ATF7: variants seen among roughly 807,000 people sequenced by gnomAD.
ATF7 encodes the protein cyclic AMP-dependent transcription factor ATF-7.
Under a neutral mutation model 50.4 loss-of-function variants are expected in ATF7, and 10 were observed. The ratio of observed to expected loss-of-function variants is 0.20; its 90% CI spans 0.12 to 0.34. The LOEUF is 0.34. Ranked by LOEUF, ATF7 falls within the 10% of genes least tolerant of loss-of-function variation. The probability of loss-of-function intolerance (pLI) is 1.00; values close to 1 mark genes in which losing one functional copy is unlikely to be tolerated. For synonymous variants in ATF7, 201 were observed against 226.4 expected, an observed-to-expected ratio of 0.89 and a Z score of 1.01; for missense variants, 465 against 613.9, an observed-to-expected ratio of 0.76 and a Z score of 2.56.
Position 53,587,366 on chromosome 12 carries a change from C to CAAAAAAAAAAAAAAAAAAAAAA in ATF7, c.48+13586_48+13587insTTTTTTTTTTTTTTTTTTTTTT, listed in dbSNP as rs55904354. Among the ~76,000 whole-genome samples the CAAAAAAAAAAAAAAAAAAAAAA allele has an allele frequency of 2.9e-4, 18 of 62,292 alleles. 1 individual carries two copies. The highest frequency in any genetic ancestry group is 4.1e-3 in the East Asian group (2 of 486). 40.9% of individuals were successfully genotyped at this position (62,292 alleles called of 152,430 possible). On this transcript the variant is annotated intron_variant, in intron 2 of 11. Transcript: ENST00000420353. ...TGGGTGACAGAGCGAAATTCCGCAT[C>CAAAAAAAAAAAAAAAAAAAAAA]AAAAAAAAAAAAAAAAAGAAGGAAA...
intron 2 of ATF7, among the ~76,000 whole-genome samples, chr12:53,559,175 T>G (rs905970802): frequency 6.6e-6 from 1 of 151,712 alleles, no homozygotes. Flanking sequence ...AAACTGTAAA[T>G]AAGGAATAAA....
At chr12:53,531,572 TA>T (rs1299180464) in intron 9 of ATF7, among the ~76,000 whole-genome samples, 171 bp downstream of exon 9, 2 of 152,012 alleles carry the variant, frequency 1.3e-5, no homozygotes, top group African/African-American at 4.8e-5. Context: ...GAATAAATAA[TA>T]AAAAGAATGG....
intron 9 of ATF7, among the ~76,000 whole-genome samples, chr12:53,525,298 A>C (rs867851251): frequency 3.0e-4 from 46 of 152,336 alleles, no homozygotes; most frequent in African/African-American, 1.0e-3. Context: ...GGTTGCAGTG[A>C]GCTGAGATCA....
chr12:53,607,334 T>A (rs1943658626), intron 1 of ATF7, among the ~76,000 whole-genome samples: 1 of 152,228 alleles, frequency 6.6e-6, no homozygotes, highest in African/African-American at 2.4e-5. Flanking sequence ...ATAGTACTTT[T>A]GGGAGTACAT....
At chr12:53,610,269 G>A (rs1255219651) in intron 1 of ATF7, among the ~76,000 whole-genome samples, 1 of 151,584 alleles carries the variant, frequency 6.6e-6, no homozygotes, top group Non-Finnish European at 1.5e-5. Flanking sequence ...CATTCCAAAC[G>A]AGATACAAAA....
At chr12:53,508,717 T>C (rs75657383), downstream of ATF7, among the ~76,000 whole-genome samples, 6 of 152,128 alleles carry the variant, frequency 3.9e-5, no homozygotes, top group South Asian at 2.1e-4. Context: ...TCTCCACAGC[T>C]GAAGCACTGC....
intron 2 of ATF7, among the ~76,000 whole-genome samples, chr12:53,585,028 A>G (rs1038870887): frequency 2.6e-5 from 4 of 152,216 alleles, no homozygotes; most frequent in Non-Finnish European, 5.9e-5. Context: ...GCTGGTGTGC[A>G]GTGGCACAAT....
chr12:53,583,609 G>A (rs1226569018), intron 2 of ATF7, among the ~76,000 whole-genome samples: 4 of 151,972 alleles, frequency 2.6e-5, no homozygotes, highest in Non-Finnish European at 4.4e-5. Context: ...AAAAAGGTGG[G>A]GGACCACTGA....
intron 3 of ATF7, among the ~76,000 whole-genome samples, chr12:53,548,527 C>G (rs922194922): frequency 1.3e-5 from 2 of 150,034 alleles, no homozygotes; most frequent in Non-Finnish European, 3.0e-5. Context: ...GAGATGGGGT[C>G]TTGCTACGTT....
At chr12:53,588,513 G>T (rs1208364411) in intron 2 of ATF7, among the ~76,000 whole-genome samples, 3 of 152,058 alleles carry the variant, frequency 2.0e-5, no homozygotes, top group Non-Finnish European at 4.4e-5. Flanking sequence ...AATAAGTATG[G>T]CAGCCACCAG....
intron 2 of ATF7, among the ~76,000 whole-genome samples, chr12:53,578,958 A>G (rs1335748506): frequency 6.6e-6 from 1 of 152,078 alleles, no homozygotes; most frequent in Admixed American, 6.6e-5. Flanking sequence ...GTAGGAAAAC[A>G]GTGTGGATGC....
intron 2 of ATF7, among the ~76,000 whole-genome samples, chr12:53,574,080 A>G (rs1941922596): frequency 6.6e-6 from 1 of 152,214 alleles, no homozygotes; most frequent in African/African-American, 2.4e-5. Context: ...TTAAAAGGCA[A>G]AAATACACTC....
intron 2 of ATF7, among the ~76,000 whole-genome samples, chr12:53,584,138 G>A (rs768933698): frequency 2.2e-4 from 33 of 152,034 alleles, no homozygotes; most frequent in Non-Finnish European, 3.7e-4. Flanking sequence ...TTGCCACCAC[G>A]CCCAGCTAAT....
At chr12:53,601,720 C>T (rs1318681096) in intron 1 of ATF7, among the ~76,000 whole-genome samples, 1 of 152,150 alleles carries the variant, frequency 6.6e-6, no homozygotes, top group Non-Finnish European at 1.5e-5. Flanking sequence ...AAACAAATGT[C>T]GACTCTTTGG....
chr12:53,560,715 G>A (rs1450183590), intron 2 of ATF7, among the ~76,000 whole-genome samples: 1 of 152,112 alleles, frequency 6.6e-6, no homozygotes, highest in Non-Finnish European at 1.5e-5. Context: ...GTAGACTGGG[G>A]TAAGAAGACA....
Position 53,581,604 on chromosome 12 carries a change from G to T in ATF7, c.48+19349C>A, listed in dbSNP as rs74751754. Among the ~76,000 whole-genome samples the T allele has an allele frequency of 2.3e-3, 345 of 152,000 alleles. 17 individuals are homozygous for T. The East Asian group carries it at 0.054, about 24-fold the overall frequency. On this transcript the variant is annotated intron_variant, in intron 2 of 11. Coordinates refer to ENST00000420353, the MANE Select transcript of ATF7 (RefSeq NM_006856.3). ...TCTAAATAATACATGAAGCAAAAAA[G>T]AAATCTCCAGAGAAATTAAAAAGTA...
At chr12:53,577,532 C>G (rs1399893424) in intron 2 of ATF7, among the ~76,000 whole-genome samples, 1 of 151,594 alleles carries the variant, frequency 6.6e-6, no homozygotes, top group African/African-American at 2.4e-5. Context: ...TTGGCTAACA[C>G]AGTGAAACCC....
chr12:53,542,003 G>T (rs2137431552), intron 4 of ATF7, among the ~76,000 whole-genome samples: 1 of 151,816 alleles, frequency 6.6e-6, no homozygotes, highest in Non-Finnish European at 1.5e-5. Context: ...TGTATTTTTA[G>T]TAGAGATGGG....
At chr12:53,521,335 A>G (rs1938115440) in intron 11 of ATF7, among the ~76,000 whole-genome samples, 1 of 152,176 alleles carries the variant, frequency 6.6e-6, no homozygotes, top group African/African-American at 2.4e-5. Flanking sequence ...AATGGCCCCC[A>G]GTGTGGAGTA....
Sources: allele counts gnomAD v4.1 joint callset (sites outside exome capture counted in the v4.1 genomes callset), GRCh38; gene constraint gnomAD v4.1.1; transcripts MANE v1.5; gene names NCBI Gene and HGNC (gene_info 2026-07-23, HGNC 2026-07-21).